The following MTAP variants were observed in gnomAD, a reference collection of about 807,000 sequenced individuals.
MTAP encodes S-methyl-5'-thioadenosine phosphorylase.
A neutral mutation model predicts 33.6 loss-of-function variants in MTAP; 33 were observed. The observed-to-expected ratio is 0.98, with a 90% CI of 0.74 to 1.31. The LOEUF (loss-of-function observed/expected upper bound fraction) is 1.31. Ranked by LOEUF, MTAP falls within the 40% of genes most tolerant of loss-of-function variation. The pLI, the probability that MTAP is intolerant of heterozygous loss-of-function variation, is 0.00. For missense variants in MTAP, 367 were observed against 360.0 expected, an observed-to-expected ratio of 1.02 and a Z score of -0.16; for synonymous variants, 148 against 125.7, an observed-to-expected ratio of 1.18 and a Z score of -1.19.
intron 1 of MTAP, among the ~76,000 whole-genome samples, chr9:21,918,329 G>A (rs567214035): frequency 2.1e-5 from 2 of 93,102 alleles, no homozygotes; most frequent in African/African-American, 1.4e-4. Context: ...CAGCCTGGGC[G>A]ACAGAACGAG....
At chr9:21,834,245 A>G (rs552632537) in intron 4 of MTAP, among the ~76,000 whole-genome samples, 15 of 152,320 alleles carry the variant, frequency 9.8e-5, no homozygotes, top group African/African-American at 3.6e-4. Flanking sequence ...GTTTAAGGAA[A>G]CTGATATAAC....
Position 21,802,704 on chromosome 9 carries a change from T to TAGTCCCG in MTAP, c.-42_-36dup. On this transcript the variant is annotated 5_prime_UTR_variant, in exon 1 of 8. Coordinates refer to ENST00000644715, the MANE Select transcript of MTAP (RefSeq NM_002451.4). ...CGCTCTGTGGCTCGCTTGGTTCCCTTAGTCCCGAGCGCTCGCCCACTGCAG... is the reference window on the plus strand; with the variant it reads ...CGCTCTGTGGCTCGCTTGGTTCCCTTAGTCCCGAGTCCCGAGCGCTCGCCCACTGCAG... 6.2e-7 allele frequency: 1 copy of TAGTCCCG among 1,600,342 alleles called. No individual in the cohort carries two copies. Among genetic ancestry groups the TAGTCCCG allele is most frequent in the South Asian group, 1.1e-5 (1 of 88,904 alleles).
At chr9:21,889,417 A>G (rs375741731) in intron 1 of MTAP, among the ~76,000 whole-genome samples, 2 of 150,298 alleles carry the variant, frequency 1.3e-5, no homozygotes, top group Non-Finnish European at 3.0e-5. Context: ...GTTTGGATCC[A>G]TTGCTGGTGA....
At chr9:21,897,783 TATC>T (rs918213308) in intron 1 of MTAP, among the ~76,000 whole-genome samples, 39 of 152,250 alleles carry the variant, frequency 2.6e-4, no homozygotes, top group African/African-American at 9.4e-4. Context: ...GAAGAATCAA[TATC>T]ATGAAAATGG....
chr9:21,814,813 T>G (rs1342875495), intron 1 of MTAP, among the ~76,000 whole-genome samples: 1 of 152,262 alleles, frequency 6.6e-6, no homozygotes, highest in Non-Finnish European at 1.5e-5. Flanking sequence ...AATATGAATT[T>G]GCATACATAT....
intron 1 of MTAP, among the ~76,000 whole-genome samples, chr9:21,913,057 G>A (rs1818607595): frequency 6.6e-6 from 1 of 152,096 alleles, no homozygotes; most frequent in Non-Finnish European, 1.5e-5. Context: ...AAATACCTAG[G>A]AATCCAACTT....
intron 4 of MTAP, among the ~76,000 whole-genome samples, chr9:21,827,238 A>T (rs1323718235): frequency 6.6e-6 from 1 of 152,118 alleles, no homozygotes; most frequent in Non-Finnish European, 1.5e-5. Flanking sequence ...GGATCCTTCC[A>T]CAATCCCCCA....
intron 6 of MTAP, among the ~76,000 whole-genome samples, chr9:21,858,726 A>T (rs1444719201): frequency 6.6e-6 from 1 of 152,182 alleles, no homozygotes; most frequent in African/African-American, 2.4e-5. Flanking sequence ...CCATACCAGA[A>T]TTCATCAGTG....
At chr9:21,832,835 G>A (rs1176485460) in intron 4 of MTAP, among the ~76,000 whole-genome samples, 2 of 152,104 alleles carry the variant, frequency 1.3e-5, no homozygotes, top group Non-Finnish European at 2.9e-5. Flanking sequence ...AGAAACTTAG[G>A]CCCTTACTAT....
At chr9:21,803,124 A>C (rs1587187559) in intron 1 of MTAP, 1 of 455,824 alleles carries the variant, frequency 2.2e-6, no homozygotes, top group Non-Finnish European at 3.7e-6. Flanking sequence ...GGCTGCACCC[A>C]TGCCACCACC....
In MTAP at chr9:21,838,005, A is replaced by G; in HGVS notation, c.445A>G (p.Arg149Gly). The change falls in exon 5 of 8, where the codon AGA (arginine) becomes GGA (glycine). Residue 149 changes from arginine to glycine, a missense_variant. Physicochemically the swap from Arg to Gly is moderately radical, Grantham distance 125. Transcript: ENST00000644715. Reference protein sequence around the residue: ...PMAEPFCPKTREVLIETAKKL... With the variant: ...PMAEPFCPKTGEVLIETAKKL... Reference sequence around the variant, plus strand: ...GGCTGAGCCGTTTTGCCCCAAAACGAGAGAGGTGTGTAGTCTTTCTGGAAG... The same window carrying G: ...GGCTGAGCCGTTTTGCCCCAAAACGGGAGAGGTGTGTAGTCTTTCTGGAAG... The G allele has an allele frequency of 6.2e-7, 1 of 1,613,240 alleles. No individual in the cohort carries two copies. Among genetic ancestry groups the G allele is most frequent in the Non-Finnish European group, 8.5e-7 (1 of 1,179,190 alleles).
chr9:21,804,164 T>C (rs1267349587), intron 1 of MTAP, among the ~76,000 whole-genome samples: 3 of 152,220 alleles, frequency 2.0e-5, no homozygotes, highest in African/African-American at 7.2e-5. Context: ...TTGTCTATGT[T>C]GCACATGGTA....
intron 1 of MTAP, among the ~76,000 whole-genome samples, chr9:21,813,429 T>C (rs1379222797): frequency 6.6e-6 from 1 of 152,242 alleles, no homozygotes; most frequent in Non-Finnish European, 1.5e-5. Flanking sequence ...AGAGTCATTA[T>C]GCAGCCAGGT....
At chr9:21,868,682 T>G (rs913074941), downstream of MTAP, among the ~76,000 whole-genome samples, 1 of 152,198 alleles carries the variant, frequency 6.6e-6, no homozygotes, top group South Asian at 2.1e-4. Flanking sequence ...CATGTTCACT[T>G]TCAGCAGGTG....
chr9:21,829,457 A>G (rs1338141716), intron 4 of MTAP, among the ~76,000 whole-genome samples: 1 of 146,200 alleles, frequency 6.8e-6, no homozygotes, highest in Admixed American at 6.8e-5. Flanking sequence ...AGACAGTCCC[A>G]CTCTGTTGCC....
Position 21,918,185 on chromosome 9 carries a change from C to T in MTAP, c.148-12823C>T, listed in dbSNP as rs927515270. Among the ~76,000 whole-genome samples the T allele has an allele frequency of 7.1e-5, 10 of 139,916 alleles. 2 individuals carry two copies. Among genetic ancestry groups the T allele is most frequent in the African/African-American group, 3.1e-4 (10 of 32,334 alleles). 91.8% of individuals were successfully genotyped at this position (139,916 alleles called of 152,430 possible). A position where few individuals can be genotyped will look rare whatever the true frequency, so the allele number is the denominator to read the frequency against. On this transcript the variant is annotated intron_variant, in intron 1 of 1. Transcript: ENST00000577563. ...CTAAAACGGTGAAACCCCGTCTCTA[C>T]TAAAAATACAAAAAATTAGCCGGGC... is the stretch of plus-strand genomic sequence containing the variant.
intron 5 of MTAP, among the ~76,000 whole-genome samples, chr9:21,852,404 A>T (rs972561850): frequency 6.6e-6 from 1 of 151,678 alleles, no homozygotes; most frequent in Non-Finnish European, 1.5e-5. Flanking sequence ...CCAGCTAATC[A>T]GGAGGCTGAG....
At chr9:21,856,371 A>G (rs1017836126) in intron 6 of MTAP, 7 of 169,248 alleles carry the variant, frequency 4.1e-5, no homozygotes, top group African/African-American at 1.7e-4. Context: ...TCAGTGTAAT[A>G]AACTGTTTGC....
At chr9:21,919,555 G>A (rs545824140) in intron 1 of MTAP, among the ~76,000 whole-genome samples, 2 of 152,294 alleles carry the variant, frequency 1.3e-5, no homozygotes, top group South Asian at 4.1e-4. Flanking sequence ...ATTTAACCAG[G>A]GTTTTGGTTT....
Sources: gnomAD v4.1 joint callset for allele counts (sites outside exome capture counted in the v4.1 genomes callset) on GRCh38, gnomAD v4.1.1 for gene constraint, MANE v1.5 for transcripts, NCBI Gene and HGNC (gene_info 2026-07-23, HGNC 2026-07-21) for gene names.